Variants in SEC14L5 observed in about 807,000 individuals in gnomAD.
The protein encoded by SEC14L5 is SEC14 like lipid binding 5, also known as SEC14-like protein 5.
In SEC14L5, 96 loss-of-function variants were observed where a neutral mutation model predicts 84.6. That is an observed-to-expected ratio of 1.13 (90% CI 0.96 to 1.34). The LOEUF (loss-of-function observed/expected upper bound fraction) is 1.34. SEC14L5 is among the 40% of genes most tolerant of loss of function. The pLI is 0.00. For synonymous variants in SEC14L5, 546 were observed against 383.4 expected, an observed-to-expected ratio of 1.42 and a Z score of -4.95; for missense variants, 1,224 against 942.5, an observed-to-expected ratio of 1.30 and a Z score of -3.91.
chr16:4,976,474 G>A (rs1488088671), intron 2 of SEC14L5, among the ~76,000 whole-genome samples: 1 of 152,210 alleles, frequency 6.6e-6, no homozygotes, highest in Non-Finnish European at 1.5e-5. Context: ...GATGTATGAA[G>A]CAATAAAATA....
In SEC14L5 at chr16:5,018,863, A is replaced by G. The variant is rs564385597; in HGVS notation, c.*3893A>G. 2 of 152,302 alleles carry G rather than the reference A, an allele frequency of 1.3e-5. No individual in the cohort carries two copies. Among genetic ancestry groups the G allele is most frequent in the Admixed American group, 1.3e-4 (2 of 15,300 alleles). 9.4% of individuals were successfully genotyped at this position (152,302 alleles called of 1,614,324 possible). A position where few individuals can be genotyped will look rare whatever the true frequency, so the allele number is the denominator to read the frequency against. On this transcript the variant is annotated 3_prime_UTR_variant, in exon 16 of 16. Transcript: ENST00000251170. ...GTAAAATTTATTGTCCAATGAGAAT[A>G]GTATAATTGTTTTCAACAAAGTCTC...
chr16:5,007,894 C>A (rs1173043996), intron 13 of SEC14L5, among the ~76,000 whole-genome samples: 3 of 146,442 alleles, frequency 2.0e-5, no homozygotes, highest in African/African-American at 7.5e-5. Context: ...GCGGGAGCCA[C>A]GGCGCCTGGC....
At chr16:5,000,529 G>C (rs1346397411) in intron 8 of SEC14L5, 126 bp from the exon 9 acceptor site, 10 of 684,766 alleles carry the variant, frequency 1.5e-5, no homozygotes, top group Non-Finnish European at 2.5e-5. Context: ...GTAAGTGAAG[G>C]CTGGATCGGG....
chr16:5,000,959 A>C (rs1596638345), intron 10 of SEC14L5, 34 bp downstream of exon 10: 2 of 1,535,530 alleles, frequency 1.3e-6, no homozygotes, highest in Non-Finnish European at 1.8e-6. Flanking sequence ...ATCCCCCCTA[A>C]ACAGCAAAGA....
chr16:4,992,336 C>T (rs1009694219), intron 6 of SEC14L5, among the ~76,000 whole-genome samples: 21 of 152,316 alleles, frequency 1.4e-4, no homozygotes, highest in East Asian at 3.9e-4. Context: ...CTGCAACCTC[C>T]GCCCCCCGGG....
rs2908669 is a variant in SEC14L5, at chr16:5,011,084, A to C, written c.1801-11A>C. On this transcript the variant is annotated splice_polypyrimidine_tract_variant and intron_variant, in intron 14 of 15. Transcript: ENST00000251170. ...GGCGCAGGGCCTCAGGGCAGGGCTG[A>C]TGTGTTTCAGGGCTCCCATGTGACC... 0.89 allele frequency: 1,406,603 copies of C among 1,586,466 alleles called. 624,478 individuals are homozygous for C. The highest frequency in any genetic ancestry group is 1 in the East Asian group (43,000 of 43,152).
rs1955896519 is a variant in SEC14L5, at chr16:5,018,280, C to T, written c.*3310C>T. The T allele has an allele frequency of 6.6e-6, 1 of 152,224 alleles. No individual in the cohort carries two copies. Among genetic ancestry groups the T allele is most frequent in the African/African-American group, 2.4e-5 (1 of 41,454 alleles). 9.4% of individuals were successfully genotyped at this position (152,224 alleles called of 1,614,324 possible). On this transcript the variant is annotated 3_prime_UTR_variant, in exon 16 of 16. Coordinates refer to ENST00000251170, the MANE Select transcript of SEC14L5 (RefSeq NM_014692.2). The stretch of plus-strand genomic sequence containing the variant: ...AAGACTCGTTTTCTTCCTGAGGTCG[C>T]CTATCCCTGTTTTTCGTTATTGCAC...
Position 5,016,618 on chromosome 16 carries a change from C to A in SEC14L5, c.*1648C>A, listed in dbSNP as rs538255005. On this transcript the variant is annotated 3_prime_UTR_variant, in exon 16 of 16. Transcript: ENST00000251170. ...CAGCAGTGGCTGGTACCCTTGTCTCCTGGCCTTGCTTAGAGTTGGGGCTCA... is the reference window on the plus strand; with the variant it reads ...CAGCAGTGGCTGGTACCCTTGTCTCATGGCCTTGCTTAGAGTTGGGGCTCA... The A allele has an allele frequency of 1.1e-4, 17 of 152,326 alleles. No individual in the cohort carries two copies. The highest frequency in any genetic ancestry group is 1.1e-3 in the Admixed American group (17 of 15,290). 9.4% of individuals were successfully genotyped at this position (152,326 alleles called of 1,614,324 possible). A position where few individuals can be genotyped will look rare whatever the true frequency, so the allele number is the denominator to read the frequency against.
At chr16:4,990,660 C>G in intron 4 of SEC14L5, 107 bp from the exon 5 acceptor site, 1 of 1,165,136 alleles carries the variant, frequency 8.6e-7, no homozygotes, top group Non-Finnish European at 1.2e-6. Context: ...GCTTGATCTG[C>G]TTTCCACTGC....
chr16:5,004,390 A>G (rs1377977817), intron 11 of SEC14L5, among the ~76,000 whole-genome samples: 1 of 152,132 alleles, frequency 6.6e-6, no homozygotes, highest in Non-Finnish European at 1.5e-5. Context: ...TGGGAGTGCG[A>G]GCACATCAGC....
At chr16:4,983,652 G>A (rs1446392212) in intron 2 of SEC14L5, among the ~76,000 whole-genome samples, 3 of 151,544 alleles carry the variant, frequency 2.0e-5, no homozygotes, top group Non-Finnish European at 4.4e-5. Context: ...CGAGGTGGAC[G>A]GATCACCCGA....
intron 13 of SEC14L5, 31 bp downstream of exon 13, chr16:5,007,517 G>A (rs764951434): frequency 1.9e-6 from 3 of 1,606,594 alleles, no homozygotes; most frequent in Admixed American, 3.4e-5. Context: ...AGGGCCCGCT[G>A]AGCTGGAGTG....
At chr16:4,962,009 C>G (rs1955127672) in intron 2 of SEC14L5, among the ~76,000 whole-genome samples, 1 of 151,916 alleles carries the variant, frequency 6.6e-6, no homozygotes, top group Non-Finnish European at 1.5e-5. Flanking sequence ...AATCACTTTT[C>G]ATCTTCATGA....
chr16:4,976,699 G>A (rs1275025713), intron 2 of SEC14L5, among the ~76,000 whole-genome samples: 1 of 152,190 alleles, frequency 6.6e-6, no homozygotes, highest in African/African-American at 2.4e-5. Context: ...GCCCCACTGT[G>A]GCCCTGCAGC....
At position 5,008,065 on chromosome 16, in the gene SEC14L5, G is replaced by A. The variant is rs182121877; in HGVS notation, c.1573-356G>A. Among the ~76,000 whole-genome samples the A allele has an allele frequency of 2.0e-3, 306 of 151,956 alleles. 1 individual carries two copies. Among genetic ancestry groups the A allele is most frequent in the African/African-American group, 6.9e-3 (285 of 41,440 alleles). On this transcript the variant is annotated intron_variant, in intron 13 of 15. Transcript: ENST00000251170. ...TGGGATTACAGGTGCCAGCCAGCATGCCTGGCTATTTTTTTTTTGTTTGTA... is the reference window on the plus strand; with the variant it reads ...TGGGATTACAGGTGCCAGCCAGCATACCTGGCTATTTTTTTTTTGTTTGTA...
chr16:4,971,685 G>A (rs1032391458), intron 2 of SEC14L5, among the ~76,000 whole-genome samples: 4 of 152,192 alleles, frequency 2.6e-5, no homozygotes, highest in African/African-American at 7.2e-5. Context: ...CCCTGGGAGT[G>A]TAGATGTAGG....
rs1478185235 is a variant in SEC14L5 at position 4,991,862 on chromosome 16, C to A, written c.499C>A (p.Leu167Met). 3.1e-6 allele frequency: 5 copies of A among 1,609,030 alleles called. No individual in the cohort carries two copies. The highest frequency in any genetic ancestry group is 4.2e-6 in the Non-Finnish European group (5 of 1,178,060). The change falls in exon 6 of 16, where the codon CTG (leucine) becomes ATG (methionine). Residue 167 changes from leucine to methionine, a missense_variant. By Grantham distance (15) the Leu-to-Met change is conservative. Coordinates refer to ENST00000251170, the MANE Select transcript of SEC14L5 (RefSeq NM_014692.2). ...GGGGAAGGAGGTGATTGAGCATTACCTGAATGAGCTCATCTCCCAGGGTAC... is the reference window on the plus strand; with the variant it reads ...GGGGAAGGAGGTGATTGAGCATTACATGAATGAGCTCATCTCCCAGGGTAC... Reference protein sequence around the residue: ...KRGKEVIEHYLNELISQGTSH... With the variant: ...KRGKEVIEHYMNELISQGTSH...
chr16:4,968,872 AAT>A (rs1955238022), intron 2 of SEC14L5, among the ~76,000 whole-genome samples: 1 of 152,206 alleles, frequency 6.6e-6, no homozygotes, highest in South Asian at 2.1e-4. Flanking sequence ...TACATGTTAA[AAT>A]ATTTAAAGAC....
At chr16:5,000,458 C>T (rs1325370316) in intron 8 of SEC14L5, among the ~76,000 whole-genome samples, 197 bp from the exon 9 acceptor site, 1 of 152,190 alleles carries the variant, frequency 6.6e-6, no homozygotes, top group East Asian at 1.9e-4. Context: ...TGTAACACTT[C>T]TGTTTTTCTG....
Sources: gnomAD v4.1 joint callset for allele counts (sites outside exome capture counted in the v4.1 genomes callset) on GRCh38, gnomAD v4.1.1 for gene constraint, MANE v1.5 for transcripts, NCBI Gene and HGNC (gene_info 2026-07-23, HGNC 2026-07-21) for gene names.